Variants in CAPN8 observed in about 807,000 individuals in gnomAD.
CAPN8 encodes calpain-8.
In CAPN8, 87 loss-of-function variants were observed where a neutral mutation model predicts 80.9. The ratio of observed to expected loss-of-function variants is 1.07; its 90% CI spans 0.90 to 1.28. The LOEUF is 1.28. Ranked by LOEUF, CAPN8 falls within the 50% of genes most tolerant of loss-of-function variation. CAPN8 has a pLI of 0.00. For synonymous variants in CAPN8, 299 were observed against 273.8 expected (o/e 1.09, Z -0.91); for missense variants, 757 against 702.0 (o/e 1.08, Z -0.89).
chr1:223,549,417 G>C (rs34606532), intron 15 of CAPN8, 35 bp from the exon 16 acceptor site: 7 of 1,551,066 alleles, frequency 4.5e-6, no homozygotes, highest in Non-Finnish European at 6.1e-6. Context: ...AGTGGGAATC[G>C]GATCATTTGA....
intron 2 of CAPN8, among the ~76,000 whole-genome samples, chr1:223,632,927 G>A (rs1472435993): frequency 6.6e-6 from 1 of 152,134 alleles, no homozygotes; most frequent in African/African-American, 2.4e-5. Context: ...TTTGCCCATT[G>A]CCCTTCCTCC....
At chr1:223,647,554 G>A (rs950374632) in intron 2 of CAPN8, among the ~76,000 whole-genome samples, 3 of 151,686 alleles carry the variant, frequency 2.0e-5, no homozygotes, top group African/African-American at 7.3e-5. Flanking sequence ...TTTAAATATT[G>A]AAGTTCCTAA....
At chr1:223,639,481 AC>A (rs35247063) in intron 2 of CAPN8, among the ~76,000 whole-genome samples, 1 of 152,216 alleles carries the variant, frequency 6.6e-6, no homozygotes, top group Non-Finnish European at 1.5e-5. Flanking sequence ...GTAAGTTTTT[AC>A]CTAAGCAAGC....
chr1:223,642,942 T>C, intron 2 of CAPN8: 1 of 380,428 alleles, frequency 2.6e-6, no homozygotes, highest in Non-Finnish European at 5.2e-6. Flanking sequence ...GGGAAACATT[T>C]TTCTTAGTAA....
intron 2 of CAPN8, among the ~76,000 whole-genome samples, chr1:223,645,351 G>A (rs1182540759): frequency 6.6e-6 from 1 of 152,014 alleles, no homozygotes; most frequent in Non-Finnish European, 1.5e-5. Context: ...ATCTCCTTTG[G>A]CAACACCCAC....
intron 11 of CAPN8, 59 bp from the exon 12 acceptor site, chr1:223,609,423 A>T (rs1283040111): frequency 5.0e-6 from 2 of 398,402 alleles, no homozygotes; most frequent in Admixed American, 4.4e-5. Flanking sequence ...TGAGAGCCCA[A>T]GAGTTCAGCT....
chr1:223,632,286 T>C lies in CAPN8; in HGVS notation c.308-3506A>G, dbSNP rs371929096. On this transcript the variant is annotated intron_variant, in intron 2 of 20. Coordinates refer to ENST00000366872, the MANE Select transcript of CAPN8 (RefSeq NM_001143962.2). ...CTTCCCTTCAGAGTCCTCTGGAAGA[T>C]GGACATTTACTCTGCTGTTCACATT... Among the ~76,000 whole-genome samples, 10 of 152,378 alleles carry C rather than the reference T, an allele frequency of 6.6e-5. No individual in the cohort carries two copies. In the East Asian group the frequency reaches 1.5e-3, roughly 23 times the overall value.
At chr1:223,652,348 A>G (rs565051282) in intron 2 of CAPN8, among the ~76,000 whole-genome samples, 1 of 152,090 alleles carries the variant, frequency 6.6e-6, no homozygotes, top group African/African-American at 2.4e-5. Context: ...TCTCAAATAT[A>G]TATATATATA....
At chr1:223,648,388 A>G (rs1658249504) in intron 2 of CAPN8, among the ~76,000 whole-genome samples, 1 of 152,202 alleles carries the variant, frequency 6.6e-6, no homozygotes, top group African/African-American at 2.4e-5. Flanking sequence ...ATGTTCCCTG[A>G]GGCTTCCCTG....
At chr1:223,643,400 G>T (rs1658097170) in intron 2 of CAPN8, among the ~76,000 whole-genome samples, 1 of 152,194 alleles carries the variant, frequency 6.6e-6, no homozygotes, top group South Asian at 2.1e-4. Flanking sequence ...GCAAGATGAG[G>T]GTGGTCTTCC....
rs1656853928 is a variant in CAPN8, at chr1:223,553,922, A to C, written c.1573-22T>G. On this transcript the variant is annotated intron_variant, in intron 13 of 20. Coordinates refer to ENST00000366872, the MANE Select transcript of CAPN8 (RefSeq NM_001143962.2). ...GTGGCTAAAAAGAAGGACATTTGCAAAGTTAAAATGGGAATCGTCAAGGAG... is the reference window on the plus strand; with the variant it reads ...GTGGCTAAAAAGAAGGACATTTGCACAGTTAAAATGGGAATCGTCAAGGAG... 7.5e-6 allele frequency: 3 copies of C among 398,636 alleles called. 1 individual carries two copies. The highest frequency in any genetic ancestry group is 1.3e-5 in the Non-Finnish European group (3 of 226,072). 24.7% of individuals were successfully genotyped at this position (398,636 alleles called of 1,614,324 possible).
chr1:223,618,048 A>G, intron 9 of CAPN8: 1 of 592,990 alleles, frequency 1.7e-6, no homozygotes, highest in Non-Finnish European at 3.0e-6. Flanking sequence ...AGCACCGAGC[A>G]CAGCCCTGCA....
At position 223,665,672 on chromosome 1, in the gene CAPN8, G is replaced by A. The variant is rs534909132; in HGVS notation, c.-26C>T. 30 of 1,532,524 alleles carry A rather than the reference G, an allele frequency of 2.0e-5. No individual in the cohort carries two copies. In the South Asian group the frequency reaches 3.6e-4, roughly 18 times the overall value. The allele number at this position is 1,532,524 out of a possible 1,614,324, so 94.9% of individuals were successfully genotyped here. ...GGCCGTGGGCTCTGTAGGGTGGACA[G>A]AAGGGCAGGGCTGCACTGTACTCTC... On this transcript the variant is annotated 5_prime_UTR_variant, in exon 1 of 21. Coordinates refer to ENST00000366872, the MANE Select transcript of CAPN8 (RefSeq NM_001143962.2).
At chr1:223,628,212 C>T in intron 3 of CAPN8, 70 bp from the exon 4 acceptor site, 1 of 1,461,982 alleles carries the variant, frequency 6.8e-7, no homozygotes, top group Non-Finnish European at 9.1e-7. Flanking sequence ...CTCCAGGGGA[C>T]CTCACGTGGG....
chr1:223,665,520 C>G lies in CAPN8; in HGVS notation c.127G>C (p.Gly43Arg). Residue 43 changes from glycine (G) to arginine (R), a missense_variant, in exon 1 of 21, where the codon GGG becomes CGG. By Grantham distance (125) the Gly-to-Arg change is moderately radical. Coordinates refer to ENST00000366872, the MANE Select transcript of CAPN8 (RefSeq NM_001143962.2). ...AACTCAGGGTCCTTAAATAGGACCC[C>G]TGAGTCCAAGCACTGTTGCCTCAGG... ...KTLRQQCLDSGVLFKDPEFPA... is the reference protein window; with the variant it reads ...KTLRQQCLDSRVLFKDPEFPA... The G allele has an allele frequency of 6.4e-7, 1 of 1,551,774 alleles. No individual in the cohort carries two copies. Among genetic ancestry groups the G allele is most frequent in the Non-Finnish European group, 8.7e-7 (1 of 1,147,004 alleles).
intron 1 of CAPN8, among the ~76,000 whole-genome samples, chr1:223,657,573 C>T (rs1456460137): frequency 6.6e-6 from 1 of 152,064 alleles, no homozygotes; most frequent in Non-Finnish European, 1.5e-5. Context: ...TCAAGACCAA[C>T]CTGACCAACA....
chr1:223,625,336 T>C (rs527377731), intron 6 of CAPN8, among the ~76,000 whole-genome samples: 172 of 152,332 alleles, frequency 1.1e-3, no homozygotes, highest in Middle Eastern at 3.4e-3. Flanking sequence ...CCTGGCTGCA[T>C]CTAAGGAGAG....
At chr1:223,653,169 T>A (rs1228886694) in intron 2 of CAPN8, among the ~76,000 whole-genome samples, 1 of 150,614 alleles carries the variant, frequency 6.6e-6, no homozygotes, top group Non-Finnish European at 1.5e-5. Context: ...ACGCTACCCC[T>A]CTGTGAGCCC....
Position 223,558,127 on chromosome 1 carries a change from A to C in CAPN8, c.1572+4T>G, listed in dbSNP as rs1656946925. On this transcript the variant is annotated splice_donor_region_variant and intron_variant, in intron 13 of 20. Coordinates refer to ENST00000366872, the MANE Select transcript of CAPN8 (RefSeq NM_001143962.2). ...AGAGTTTGGCATACAAAAAGATTGC[A>C]TACCTCATATGGGTTTCCAGCTACC... 7.5e-6 allele frequency: 3 copies of C among 398,652 alleles called. No individual in the cohort carries two copies. Among genetic ancestry groups the C allele is most frequent in the East Asian group, 7.1e-5 (2 of 28,086 alleles). The allele number at this position is 398,652 out of a possible 1,614,324, so 24.7% of individuals were successfully genotyped here. A position where few individuals can be genotyped will look rare whatever the true frequency, so the allele number is the denominator to read the frequency against.
Sources: allele counts gnomAD v4.1 joint callset (sites outside exome capture counted in the v4.1 genomes callset), GRCh38; gene constraint gnomAD v4.1.1; transcripts MANE v1.5; gene names NCBI Gene and HGNC (gene_info 2026-07-23, HGNC 2026-07-21).